Variants in FSTL4 observed in about 807,000 individuals in gnomAD.
FSTL4 encodes follistatin-related protein 4.
In FSTL4, 28 loss-of-function variants were observed where a neutral mutation model predicts 78.2. That is an observed-to-expected ratio of 0.36 (90% CI 0.27 to 0.49). The LOEUF is 0.49. FSTL4 is among the 20% of genes least tolerant of loss of function. The pLI is 0.98. For missense variants in FSTL4, 922 were observed against 1,084.9 expected (o/e 0.85, Z 2.11); for synonymous variants, 422 against 440.5 (o/e 0.96, Z 0.53).
intron 4 of FSTL4, among the ~76,000 whole-genome samples, chr5:133,330,492 C>T (rs553431674): frequency 5.3e-5 from 8 of 152,218 alleles, no homozygotes; most frequent in African/African-American, 9.6e-5. Context: ...GACTCACTAC[C>T]GTGAGGACAG....
intron 5 of FSTL4, 146 bp from the exon 6 acceptor site, chr5:133,312,923 T>G (rs996533789): frequency 2.8e-6 from 2 of 712,484 alleles, no homozygotes; most frequent in Admixed American, 5.8e-5. Flanking sequence ...TTGTCTTGTC[T>G]GACTCCTTCA....
chr5:133,407,862 C>CACG (rs1447208026), intron 3 of FSTL4, among the ~76,000 whole-genome samples: 1 of 152,140 alleles, frequency 6.6e-6, no homozygotes, highest in Non-Finnish European at 1.5e-5. Flanking sequence ...CTAAAGTGAG[C>CACG]ATATGTTAAA....
rs569900676 is a variant in FSTL4 at position 133,350,843 on chromosome 5, C to A, written c.410-34191G>T. ...GAAAGGAAGAAGGAGGACATCCCCT[C>A]TCTTCCTTAAGGTGGCTTTCTGGAA... On this transcript the variant is annotated intron_variant, in intron 4 of 15. Coordinates refer to ENST00000265342, the MANE Select transcript of FSTL4 (RefSeq NM_015082.2). Among the ~76,000 whole-genome samples, 11 of 152,322 alleles carry A rather than the reference C, an allele frequency of 7.2e-5. No homozygotes were observed. In the South Asian group the frequency reaches 2.3e-3, roughly 32 times the overall value.
chr5:133,650,096 G>A, the FSTL4 span, among the ~76,000 whole-genome samples: 1 of 152,112 alleles, frequency 6.6e-6, no homozygotes, highest in Non-Finnish European at 1.5e-5. Context: ...AAGCAAGAGA[G>A]AGTGGGGAAG....
rs1442475865 is a variant in FSTL4, at chr5:133,233,628, G to C, written c.895-91C>G. ...CTCCTGGTTTTCCAGAAATCCTGCA[G>C]CTGGGAGAGAGTTCCTTTCTGCCTG... On this transcript the variant is annotated intron_variant, in intron 7 of 15. Coordinates refer to ENST00000265342, the MANE Select transcript of FSTL4 (RefSeq NM_015082.2). 7 of 1,490,796 alleles carry C rather than the reference G, an allele frequency of 4.7e-6. No homozygotes were observed. In the Admixed American group the frequency reaches 7.0e-5, roughly 15 times the overall value. The allele number at this position is 1,490,796 out of a possible 1,614,324, so 92.3% of individuals were successfully genotyped here.
chr5:133,294,722 C>T (rs553937719), intron 6 of FSTL4, among the ~76,000 whole-genome samples: 43 of 152,318 alleles, frequency 2.8e-4, no homozygotes, highest in South Asian at 1.4e-3. Flanking sequence ...CTGATCACCT[C>T]CCATCTCTTC....
At chr5:133,691,259 G>A in the FSTL4 span, among the ~76,000 whole-genome samples, 2 of 152,140 alleles carry the variant, frequency 1.3e-5, no homozygotes, top group African/African-American at 2.4e-5. Context: ...CTATGCCAAA[G>A]CATTCTTTAA....
chr5:133,746,773 T>C, the FSTL4 span, among the ~76,000 whole-genome samples: 1 of 152,176 alleles, frequency 6.6e-6, no homozygotes, highest in Non-Finnish European at 1.5e-5. Flanking sequence ...TTTAGGTCTA[T>C]CCTAATTGTC....
intron 3 of FSTL4, among the ~76,000 whole-genome samples, chr5:133,429,204 G>A (rs780175632): frequency 6.6e-6 from 1 of 152,106 alleles, no homozygotes; most frequent in Non-Finnish European, 1.5e-5. Context: ...CACAGCCCAT[G>A]GAATCATGAA....
chr5:133,263,837 T>C (rs577628056), intron 6 of FSTL4, among the ~76,000 whole-genome samples: 52 of 152,180 alleles, frequency 3.4e-4, no homozygotes, highest in African/African-American at 1.2e-3. Context: ...AAGAAAAGTC[T>C]CTGAGTGGGT....
Position 133,197,488 on chromosome 5 carries a change from G to A in FSTL4, c.*1607C>T, listed in dbSNP as rs1469070917. 1.3e-5 allele frequency: 2 copies of A among 152,458 alleles called. No homozygotes were observed. Among genetic ancestry groups the A allele is most frequent in the Admixed American group, 6.5e-5 (1 of 15,284 alleles). 9.4% of individuals were successfully genotyped at this position (152,458 alleles called of 1,614,324 possible). ...GGACCAAGTTGCGTGAGACATACAAGTGATTGATCTCATGAGATCTGGGGC... is the reference window on the plus strand; with the variant it reads ...GGACCAAGTTGCGTGAGACATACAAATGATTGATCTCATGAGATCTGGGGC... On this transcript the variant is annotated 3_prime_UTR_variant, in exon 16 of 16. Coordinates refer to ENST00000265342, the MANE Select transcript of FSTL4 (RefSeq NM_015082.2).
intron 2 of FSTL4, among the ~76,000 whole-genome samples, chr5:133,580,955 T>C (rs1760388846): frequency 1.3e-5 from 2 of 152,110 alleles, no homozygotes; most frequent in Admixed American, 6.5e-5. Flanking sequence ...CTACCCACAC[T>C]CATGAACCTC....
chr5:133,789,988 A>G, the FSTL4 span, among the ~76,000 whole-genome samples: 1 of 152,078 alleles, frequency 6.6e-6, no homozygotes. Flanking sequence ...GTCTGCCACA[A>G]CTTGGTTCTC....
At position 133,217,245 on chromosome 5, in the gene FSTL4, G is replaced by C; in HGVS notation, c.1592C>G (p.Ala531Gly). ...GAGGTGTACCTGTAGGACTTTCTGG[G>C]CTTGGATGTCGACCACAAGGACTCT... is the stretch of plus-strand genomic sequence containing the variant. ...LSRVLVVDIQ[A>G]QKVLQSIGVD... The change falls in exon 13 of 16, where the codon GCC (alanine) becomes GGC (glycine). Residue 531 changes from alanine (A) to glycine (G), a missense_variant. Ala to Gly is a moderately conservative substitution (Grantham distance 60). Transcript: ENST00000265342. 6.2e-7 allele frequency: 1 copy of C among 1,613,930 alleles called. No homozygotes were observed. Among genetic ancestry groups the C allele is most frequent in the Admixed American group, 1.7e-5 (1 of 60,022 alleles).
chr5:133,646,661 A>G, the FSTL4 span, among the ~76,000 whole-genome samples: 1 of 152,140 alleles, frequency 6.6e-6, no homozygotes, highest in African/African-American at 2.4e-5. Context: ...TTGAGGACAT[A>G]GTTTGGAGAT....
At chr5:133,511,662 T>C (rs1051914361) in intron 3 of FSTL4, among the ~76,000 whole-genome samples, 3 of 152,168 alleles carry the variant, frequency 2.0e-5, no homozygotes, top group Admixed American at 6.5e-5. Context: ...TTCAAGTGAT[T>C]AATCAGTTTG....
intron 3 of FSTL4, among the ~76,000 whole-genome samples, chr5:133,534,461 G>A (rs1759312496): frequency 2.0e-5 from 3 of 152,096 alleles, no homozygotes; most frequent in Admixed American, 6.5e-5. Context: ...ATATTCTGAT[G>A]TATTTCTTCA....
chr5:133,370,000 C>A (rs1755258433), intron 4 of FSTL4, among the ~76,000 whole-genome samples: 1 of 151,936 alleles, frequency 6.6e-6, no homozygotes, highest in Non-Finnish European at 1.5e-5. Flanking sequence ...TCTAGCAGGG[C>A]TGCCCTCCAC....
At chr5:133,428,723 G>A (rs1413093178) in intron 3 of FSTL4, among the ~76,000 whole-genome samples, 1 of 152,194 alleles carries the variant, frequency 6.6e-6, no homozygotes, top group Non-Finnish European at 1.5e-5. Flanking sequence ...CAGATATTGA[G>A]GGCTCTCTCA....
Sources: allele counts gnomAD v4.1 joint callset (sites outside exome capture counted in the v4.1 genomes callset), GRCh38; gene constraint gnomAD v4.1.1; transcripts MANE v1.5; gene names NCBI Gene and HGNC (gene_info 2026-07-23, HGNC 2026-07-21).